PCDHGA6: variants seen among roughly 807,000 people sequenced by gnomAD.
The protein encoded by PCDHGA6 is protocadherin gamma subfamily A, 6, also known as protocadherin gamma-A6.
PCDHGA6 carries 41 observed loss-of-function variants against 60.6 expected under a neutral mutation model. The observed-to-expected ratio is 0.68, with a 90% CI of 0.53 to 0.88. PCDHGA6 has a LOEUF of 0.88. PCDHGA6 is among the 40% of genes least tolerant of loss of function. The pLI is 0.00. For synonymous variants in PCDHGA6, 594 were observed against 524.4 expected, an observed-to-expected ratio of 1.13 and a Z score of -1.81; for missense variants, 1,312 against 1,203.0, an observed-to-expected ratio of 1.09 and a Z score of -1.34.
intron 1 of PCDHGA6, chr5:141,422,614 C>T (rs1207238896): frequency 6.2e-7 from 1 of 1,613,812 alleles, no homozygotes; most frequent in South Asian, 1.1e-5. Flanking sequence ...TGCCTACATT[C>T]CCGAAAACAA....
intron 3 of PCDHGA6, among the ~76,000 whole-genome samples, chr5:141,506,444 CAAAAAAAAAA>C (rs1219684339): frequency 8.4e-5 from 8 of 95,030 alleles, no homozygotes; most frequent in Non-Finnish European, 1.3e-4. Context: ...CGCTCTGTCT[CAAAAAAAAAA>C]AAAAAAAAAA....
rs1211398299 is a variant in PCDHGA6 at position 141,420,143 on chromosome 5, A to G, written c.2424+43636A>G. The G allele has an allele frequency of 1.2e-6, 2 of 1,614,052 alleles. No homozygotes were observed. The highest frequency in any genetic ancestry group is 2.2e-5 in the East Asian group (1 of 44,888). On this transcript the variant is annotated intron_variant, in intron 1 of 3. Transcript: ENST00000517434. The stretch of plus-strand genomic sequence containing the variant: ...TTTTTGTGTGCCTGGGGATCAAATG[A>G]ATCCAGAATTTAATTTTTTCACATC...
Position 141,485,330 on chromosome 5 carries a change from C to T in PCDHGA6, c.2425-9477C>T. On this transcript the variant is annotated intron_variant, in intron 1 of 3. Transcript: ENST00000517434. This position sits in a 1 kb window ranked among gnomAD's most constrained non-coding sequence, Gnocchi z 5.7. ...TGTAGGGAATGTCGCTCAAGATTTC[C>T]TGCTGGATACGGACAGTCTGTCAGC... 6.2e-7 allele frequency: 1 copy of T among 1,614,164 alleles called. No individual in the cohort carries two copies. Among genetic ancestry groups the T allele is most frequent in the East Asian group, 2.2e-5 (1 of 44,862 alleles).
chr5:141,410,023 C>G, intron 1 of PCDHGA6: 1 of 1,613,310 alleles, frequency 6.2e-7, no homozygotes, highest in Non-Finnish European at 8.5e-7. Context: ...TGTCCTACCA[C>G]GTGCTGCAGG....
At chr5:141,388,438 A>C in intron 1 of PCDHGA6, 4 of 1,613,906 alleles carry the variant, frequency 2.5e-6, no homozygotes, top group Non-Finnish European at 3.4e-6. Flanking sequence ...AATAAAGAGA[A>C]ATCAGATGGC....
rs370264318 is a variant in PCDHGA6, at chr5:141,403,767, G to C, written c.2424+27260G>C. 1.0e-4 allele frequency: 169 copies of C among 1,613,880 alleles called. No homozygotes were observed. In the East Asian group the frequency reaches 1.6e-3, roughly 16 times the overall value. Reference sequence around the variant, plus strand: ...GCAACAGCCAGCGACCTGGATGAGGGAATCAACGGAAAAGTGGCATACAAA... The same window carrying C: ...GCAACAGCCAGCGACCTGGATGAGGCAATCAACGGAAAAGTGGCATACAAA... On this transcript the variant is annotated intron_variant, in intron 1 of 3. Coordinates refer to ENST00000517434, the MANE Select transcript of PCDHGA6 (RefSeq NM_018919.3).
intron 1 of PCDHGA6, chr5:141,403,465 G>C (rs1268345736): frequency 6.2e-7 from 1 of 1,614,018 alleles, no homozygotes; most frequent in Non-Finnish European, 8.5e-7. Context: ...AGAGCTACCA[G>C]CTCAGCCCCA....
intron 1 of PCDHGA6, chr5:141,414,476 C>G (rs1242647918): frequency 6.2e-7 from 1 of 1,613,920 alleles, no homozygotes; most frequent in Non-Finnish European, 8.5e-7. Context: ...GGGGGAAGTC[C>G]TCCTCTATCA....
intron 1 of PCDHGA6, among the ~76,000 whole-genome samples, chr5:141,465,422 G>T (rs74711061): frequency 6.6e-6 from 1 of 152,142 alleles, no homozygotes; most frequent in Non-Finnish European, 1.5e-5. Context: ...AGCACTGAAA[G>T]GTGGGCACTT....
intron 1 of PCDHGA6, chr5:141,414,628 A>T (rs1471507988): frequency 4.3e-6 from 7 of 1,613,900 alleles, no homozygotes; most frequent in Non-Finnish European, 5.9e-6. Flanking sequence ...GGACCCGGAC[A>T]GCAAAGAGAA....
intron 1 of PCDHGA6, chr5:141,388,717 C>T (rs544297444): frequency 2.5e-6 from 4 of 1,614,022 alleles, no homozygotes; most frequent in Non-Finnish European, 3.4e-6. Context: ...GCCGAGATTA[C>T]TTTCTCTTTC....
At chr5:141,420,175 T>C (rs901184536) in intron 1 of PCDHGA6, 6 of 1,614,004 alleles carry the variant, frequency 3.7e-6, no homozygotes, top group Non-Finnish European at 5.1e-6. Context: ...CATCTGTTGA[T>C]CATTGTCCAG....
At position 141,489,384 on chromosome 5, in the gene PCDHGA6, T is replaced by G; in HGVS notation, c.2425-5423T>G. The G allele has an allele frequency of 6.2e-7, 1 of 1,613,986 alleles. No individual in the cohort carries two copies. The highest frequency in any genetic ancestry group is 1.3e-5 in the African/African-American group (1 of 75,042). On this transcript the variant is annotated intron_variant, in intron 1 of 3. Transcript: ENST00000517434. This position sits in a 1 kb window ranked among gnomAD's most constrained non-coding sequence, Gnocchi z 4.5. ...AGCCGGGGACGCTGGTGGGGAATGT[T>G]GCTCAGGATCTGGGCTTAAAGATGA...
chr5:141,389,284 C>A, intron 1 of PCDHGA6: 1 of 1,614,048 alleles, frequency 6.2e-7, no homozygotes, highest in Non-Finnish European at 8.5e-7. Flanking sequence ...CCGCCTGGAG[C>A]CTCTATTTCA....
In PCDHGA6 at chr5:141,384,747, C is replaced by G. The variant is rs755356826; in HGVS notation, c.2424+8240C>G. 28 of 1,613,942 alleles carry G rather than the reference C, an allele frequency of 1.7e-5. No homozygotes were observed. The South Asian group carries it at 3.0e-4, about 17-fold the overall frequency. The stretch of plus-strand genomic sequence containing the variant: ...TGCTTAAGGCCAGCGAGCCAGGACT[C>G]TTTGCGGTTGGGCTGTACACGGGCG... On this transcript the variant is annotated intron_variant, in intron 1 of 3. Transcript: ENST00000517434.
chr5:141,423,230 G>C (rs1223173152), intron 1 of PCDHGA6: 1 of 1,613,872 alleles, frequency 6.2e-7, no homozygotes, highest in Admixed American at 1.7e-5. Context: ...GTGGCCGACA[G>C]CATCCCCGAA....
In PCDHGA6 at chr5:141,480,033, C is replaced by G. The variant is rs370321166; in HGVS notation, c.2425-14774C>G. On this transcript the variant is annotated intron_variant, in intron 1 of 3. Coordinates refer to ENST00000517434, the MANE Select transcript of PCDHGA6 (RefSeq NM_018919.3). ...CTCAATCTCCTTTCTAAGCCTCTTC[C>G]TCATATGCAAAAAGGGAATAATAAG... is the stretch of plus-strand genomic sequence containing the variant. Among the ~76,000 whole-genome samples, 3 of 152,224 alleles carry G rather than the reference C, an allele frequency of 2.0e-5. No individual in the cohort carries two copies. The East Asian group carries it at 5.8e-4, about 29-fold the overall frequency.
At chr5:141,393,503 G>C (rs2092782893) in intron 1 of PCDHGA6, 1 of 1,614,028 alleles carries the variant, frequency 6.2e-7, no homozygotes, top group Non-Finnish European at 8.5e-7. Flanking sequence ...GCATCCACGT[G>C]ACAGTGTTGG....
At chr5:141,500,809 A>G (rs1018522111) in intron 2 of PCDHGA6, among the ~76,000 whole-genome samples, 1 of 152,324 alleles carries the variant, frequency 6.6e-6, no homozygotes, top group African/African-American at 2.4e-5. Context: ...CCTCATATGA[A>G]TATACATATT....
Sources: allele counts gnomAD v4.1 joint callset (sites outside exome capture counted in the v4.1 genomes callset), GRCh38; gene constraint gnomAD v4.1.1; non-coding constraint Gnocchi (gnomAD v3.1); transcripts MANE v1.5; gene names NCBI Gene and HGNC (gene_info 2026-07-23, HGNC 2026-07-21).